SH3D19: variants seen among roughly 807,000 people sequenced by gnomAD.
SH3D19 encodes the protein SH3 domain-containing protein 19.
Under a neutral mutation model 112.1 loss-of-function variants are expected in SH3D19, and 58 were observed. The ratio of observed to expected loss-of-function variants is 0.52; its 90% CI spans 0.42 to 0.64. The LOEUF (loss-of-function observed/expected upper bound fraction) is 0.64. Among genes scored for constraint, SH3D19 ranks in the 30% least tolerant of loss-of-function variants. The probability of loss-of-function intolerance (pLI) is 0.00; values close to 1 mark genes in which losing one functional copy is unlikely to be tolerated. For synonymous variants in SH3D19, 391 were observed against 448.5 expected (o/e 0.87, Z 1.62); for missense variants, 1,090 against 1,263.4 (o/e 0.86, Z 2.08).
intron 9 of SH3D19, 72 bp from the exon 10 acceptor site, chr4:151,149,633 CA>C: frequency 1.4e-6 from 2 of 1,396,394 alleles, no homozygotes; most frequent in Non-Finnish European, 2.0e-6. Flanking sequence ...AAATTCTAGG[CA>C]ACCTTTTGGC....
chr4:151,314,380 C>A (rs1211631000), intron 1 of SH3D19, among the ~76,000 whole-genome samples: 2 of 152,174 alleles, frequency 1.3e-5, no homozygotes, highest in African/African-American at 4.8e-5. Context: ...CTACACATCA[C>A]ACATGAACAC....
intron 15 of SH3D19, 69 bp from the exon 16 acceptor site, chr4:151,133,305 A>G: frequency 2.4e-6 from 3 of 1,262,846 alleles, no homozygotes; most frequent in Non-Finnish European, 3.4e-6. Context: ...ACCTTCATTC[A>G]GTCTTTCAAT....
chr4:151,322,159 C>A (rs1580487917), intron 1 of SH3D19, among the ~76,000 whole-genome samples: 2 of 152,200 alleles, frequency 1.3e-5, no homozygotes, highest in African/African-American at 4.8e-5. Flanking sequence ...ACAGAATTAA[C>A]CCTCACTGGC....
At chr4:151,278,419 G>C (rs55886318) in intron 1 of SH3D19, among the ~76,000 whole-genome samples, 52,156 of 149,266 alleles carry the variant, frequency 0.35, 10,128 homozygotes, top group Non-Finnish European at 0.46. Flanking sequence ...AGGTGTGGTT[G>C]AACCACACCT....
intron 1 of SH3D19, among the ~76,000 whole-genome samples, chr4:151,292,307 A>C (rs1775397696): frequency 6.6e-6 from 1 of 152,138 alleles, no homozygotes; most frequent in Admixed American, 6.5e-5. Flanking sequence ...TTTAAAAAAA[A>C]AAAAGGAAAA....
At chr4:151,212,211 T>G (rs1766080686) in intron 2 of SH3D19, among the ~76,000 whole-genome samples, 1 of 152,238 alleles carries the variant, frequency 6.6e-6, no homozygotes, top group African/African-American at 2.4e-5. Flanking sequence ...CAGAGTACAG[T>G]GCTGTGATCA....
chr4:151,311,867 G>C (rs1450931087), intron 1 of SH3D19, among the ~76,000 whole-genome samples: 3 of 152,076 alleles, frequency 2.0e-5, no homozygotes, highest in Non-Finnish European at 4.4e-5. Flanking sequence ...AGAGCAGAAG[G>C]GTGGTTACCA....
chr4:151,204,171 A>C (rs1284464857), intron 2 of SH3D19, among the ~76,000 whole-genome samples: 2 of 152,228 alleles, frequency 1.3e-5, no homozygotes, highest in Non-Finnish European at 2.9e-5. Flanking sequence ...AATTAGCATA[A>C]CACTGAACTG....
chr4:151,291,138 G>A (rs906758004), intron 1 of SH3D19: 2 of 1,612,730 alleles, frequency 1.2e-6, no homozygotes, highest in African/African-American at 1.3e-5. Context: ...GAGGGCCTCT[G>A]TCGTGTCACA....
At chr4:151,286,988 T>C (rs1580413727) in intron 1 of SH3D19, among the ~76,000 whole-genome samples, 1 of 123,162 alleles carries the variant, frequency 8.1e-6, no homozygotes, top group Non-Finnish European at 1.7e-5. Flanking sequence ...TCAAAAATAA[T>C]AATAATAATA....
At chr4:151,159,696 G>C (rs988945578) in intron 8 of SH3D19, among the ~76,000 whole-genome samples, 2 of 152,056 alleles carry the variant, frequency 1.3e-5, no homozygotes, top group Non-Finnish European at 2.9e-5. Context: ...CAGTCCACTA[G>C]CTAGTAGCTA....
intron 2 of SH3D19, among the ~76,000 whole-genome samples, chr4:151,200,518 A>T (rs1460855513): frequency 3.3e-5 from 5 of 152,208 alleles, no homozygotes; most frequent in Non-Finnish European, 1.5e-5. Context: ...GCTACTGTGC[A>T]TCTCTTCCCA....
Position 151,121,986 on chromosome 4 carries a change from G to C in SH3D19, c.*105C>G, listed in dbSNP as rs941432488. 7 of 679,820 alleles carry C rather than the reference G, an allele frequency of 1.0e-5. No individual in the cohort carries two copies. The highest frequency in any genetic ancestry group is 2.7e-4 in the Middle Eastern group (1 of 3,768). The allele number at this position is 679,820 out of a possible 1,614,324, so 42.1% of individuals were successfully genotyped here. A position where few individuals can be genotyped will look rare whatever the true frequency, so the allele number is the denominator to read the frequency against. On this transcript the variant is annotated 3_prime_UTR_variant, in exon 20 of 20. Coordinates refer to ENST00000604030, the MANE Select transcript of SH3D19 (RefSeq NM_001378122.1). ...ATTCTAGTGTACCATGTACAGCTTA[G>C]ATATTTCTTTTTCAGTTAAAAAAAA... is the stretch of plus-strand genomic sequence containing the variant.
chr4:151,195,371 C>CAAAAAAAAAAAAA (rs58618820), intron 2 of SH3D19, among the ~76,000 whole-genome samples: 11 of 66,772 alleles, frequency 1.6e-4, no homozygotes, highest in Admixed American at 4.7e-4. Flanking sequence ...GACTCTGTCT[C>CAAAAAAAAAAAAA]AAAAAAAAAA....
intron 1 of SH3D19, among the ~76,000 whole-genome samples, chr4:151,290,609 G>A (rs931650408): frequency 5.9e-5 from 9 of 152,134 alleles, no homozygotes; most frequent in African/African-American, 1.9e-4. Flanking sequence ...TCTAAAATGG[G>A]TTGTGGTGAT....
intron 1 of SH3D19, among the ~76,000 whole-genome samples, chr4:151,322,059 T>A (rs1730585825): frequency 6.6e-6 from 1 of 152,174 alleles, no homozygotes; most frequent in Non-Finnish European, 1.5e-5. Context: ...CACCTTAGCC[T>A]CAGCACATGA....
chr4:151,307,691 T>G (rs1453767982), intron 1 of SH3D19, among the ~76,000 whole-genome samples: 1 of 152,224 alleles, frequency 6.6e-6, no homozygotes, highest in East Asian at 1.9e-4. Context: ...CCTGGGTCAG[T>G]TGTATTGACA....
intron 1 of SH3D19, among the ~76,000 whole-genome samples, chr4:151,302,882 G>T (rs372864438): frequency 7.2e-5 from 11 of 152,076 alleles, no homozygotes; most frequent in African/African-American, 1.2e-4. Context: ...GTGGGGGAAG[G>T]GGGGAGGGAT....
intron 1 of SH3D19, among the ~76,000 whole-genome samples, chr4:151,307,192 T>A (rs895049337): frequency 2.6e-5 from 4 of 151,866 alleles, no homozygotes; most frequent in East Asian, 1.9e-4. Context: ...CTAATTTTTT[T>A]TTTTTATTTT....
Sources: allele counts gnomAD v4.1 joint callset (sites outside exome capture counted in the v4.1 genomes callset), GRCh38; gene constraint gnomAD v4.1.1; transcripts MANE v1.5; gene names NCBI Gene and HGNC (gene_info 2026-07-23, HGNC 2026-07-21).